PTPRT: variants seen among roughly 807,000 people sequenced by gnomAD.
The protein encoded by PTPRT is protein tyrosine phosphatase receptor type T.
PTPRT carries 56 observed loss-of-function variants against 176.8 expected under a neutral mutation model. The observed-to-expected ratio is 0.32, with a 90% CI of 0.26 to 0.40. PTPRT has a LOEUF of 0.40. PTPRT is among the 10% of genes least tolerant of loss of function. The pLI is 1.00. For missense variants in PTPRT, 1,540 were observed against 1,908.2 expected, an observed-to-expected ratio of 0.81 and a Z score of 3.60; for synonymous variants, 783 against 739.0, an observed-to-expected ratio of 1.06 and a Z score of -0.96.
At chr20:43,083,638 C>G (rs2011527289) in intron 1 of PTPRT, among the ~76,000 whole-genome samples, 1 of 151,896 alleles carries the variant, frequency 6.6e-6, no homozygotes, top group Non-Finnish European at 1.5e-5. Flanking sequence ...AGATTACAGG[C>G]ATGAGCCACC....
At chr20:42,382,665 C>G (rs1030102991) in intron 9 of PTPRT, among the ~76,000 whole-genome samples, 6 of 151,940 alleles carry the variant, frequency 3.9e-5, no homozygotes, top group Admixed American at 1.3e-4. Context: ...GCAATTGACA[C>G]AGAGAGTAAG....
intron 7 of PTPRT, among the ~76,000 whole-genome samples, chr20:42,596,803 A>C (rs1420458387): frequency 6.6e-6 from 1 of 152,228 alleles, no homozygotes; most frequent in East Asian, 1.9e-4. Context: ...TTAGATTAGC[A>C]AAAATGTAAG....
At chr20:42,227,704 T>C (rs549078521) in intron 15 of PTPRT, among the ~76,000 whole-genome samples, 2 of 150,194 alleles carry the variant, frequency 1.3e-5, no homozygotes, top group South Asian at 4.3e-4. Context: ...GCCTCCTGTA[T>C]TCAAGCGATT....
chr20:42,277,360 CG>C (rs1326927119), intron 13 of PTPRT, among the ~76,000 whole-genome samples: 2 of 152,164 alleles, frequency 1.3e-5, no homozygotes, highest in Non-Finnish European at 2.9e-5. Context: ...AACTGCCACT[CG>C]GGCGCACCCA....
At chr20:42,087,147 A>G (rs6130031) in intron 27 of PTPRT, among the ~76,000 whole-genome samples, 35,201 of 146,288 alleles carry the variant, frequency 0.24, 4,520 homozygotes, top group Non-Finnish European at 0.3. Flanking sequence ...TGCAGTGCAC[A>G]GATTAGCTCC....
chr20:42,555,341 C>G (rs536842421), intron 7 of PTPRT, among the ~76,000 whole-genome samples: 7 of 152,326 alleles, frequency 4.6e-5, no homozygotes, highest in African/African-American at 1.7e-4. Context: ...ATAAAAATCC[C>G]TGCCCTCATG....
chr20:43,173,830 G>A (rs1013857383), intron 1 of PTPRT, among the ~76,000 whole-genome samples: 6 of 152,208 alleles, frequency 3.9e-5, no homozygotes, highest in African/African-American at 1.4e-4. Flanking sequence ...TTCCTTCTGG[G>A]AAAGACAGTC....
intron 19 of PTPRT, among the ~76,000 whole-genome samples, chr20:42,126,360 TC>T (rs1032577019): frequency 6.6e-6 from 1 of 152,210 alleles, no homozygotes; most frequent in Middle Eastern, 3.4e-3. Flanking sequence ...TGCTCCCTCC[TC>T]CCCTACCTCC....
chr20:42,914,865 A>C (rs1055299465), intron 1 of PTPRT, among the ~76,000 whole-genome samples: 2 of 151,420 alleles, frequency 1.3e-5, no homozygotes, highest in African/African-American at 4.9e-5. Flanking sequence ...AAAATCCTTA[A>C]AAGTGTACAG....
rs117803742 is a variant in PTPRT, at chr20:42,669,491, G to A, written c.1153+8375C>T. Reference sequence around the variant, plus strand: ...ACCAGAATTACAGTACAGCAGAGATGGAGGTTAGATGTCTGTGTTCATACT... The same window carrying A: ...ACCAGAATTACAGTACAGCAGAGATAGAGGTTAGATGTCTGTGTTCATACT... On this transcript the variant is annotated intron_variant, in intron 7 of 30. Coordinates refer to ENST00000373187, the MANE Select transcript of PTPRT (RefSeq NM_007050.6). 1.6e-4 allele frequency among the ~76,000 whole-genome samples: 25 copies of A among 152,244 alleles called. No individual in the cohort carries two copies. In the East Asian group the frequency reaches 4.8e-3, roughly 29 times the overall value.
chr20:42,336,183 T>C (rs984186963), intron 11 of PTPRT, among the ~76,000 whole-genome samples: 4 of 152,214 alleles, frequency 2.6e-5, no homozygotes, highest in Non-Finnish European at 5.9e-5. Flanking sequence ...CCTGTTTTTA[T>C]GGAATTGTAA....
chr20:42,307,689 G>A (rs2057564034), intron 12 of PTPRT, among the ~76,000 whole-genome samples: 1 of 152,150 alleles, frequency 6.6e-6, no homozygotes, highest in Non-Finnish European at 1.5e-5. Context: ...GACTCAACAG[G>A]AACAGATATC....
At chr20:42,509,654 C>A (rs1235176666) in intron 7 of PTPRT, among the ~76,000 whole-genome samples, 1 of 148,364 alleles carries the variant, frequency 6.7e-6, no homozygotes, top group Non-Finnish European at 1.5e-5. Flanking sequence ...TGTCATTCTG[C>A]AGAATAGCTC....
chr20:42,062,204 C>A, the PTPRT span, among the ~76,000 whole-genome samples: 2 of 152,136 alleles, frequency 1.3e-5, no homozygotes, highest in African/African-American at 4.8e-5. Flanking sequence ...CCTTTATGGG[C>A]AGCATTAAGC....
chr20:42,807,191 A>G lies in PTPRT; in HGVS notation c.215-15725T>C, dbSNP rs149924269. On this transcript the variant is annotated intron_variant, in intron 2 of 30. Coordinates refer to ENST00000373187, the MANE Select transcript of PTPRT (RefSeq NM_007050.6). Reference sequence around the variant, plus strand: ...AGATTGGTACAGACCTTTATCTTCTACTAGAGGGACAGAGAAGGATGGATG... The same window carrying G: ...AGATTGGTACAGACCTTTATCTTCTGCTAGAGGGACAGAGAAGGATGGATG... Among the ~76,000 whole-genome samples, 167 of 152,308 alleles carry G rather than the reference A, an allele frequency of 1.1e-3. 2 individuals carry two copies. Among genetic ancestry groups the G allele is most frequent in the African/African-American group, 3.8e-3 (158 of 41,564 alleles).
At chr20:43,119,915 G>A (rs935159896) in intron 1 of PTPRT, among the ~76,000 whole-genome samples, 2 of 152,176 alleles carry the variant, frequency 1.3e-5, no homozygotes, top group Non-Finnish European at 2.9e-5. Context: ...CCACATGGGA[G>A]CTGACTGACC....
chr20:42,641,730 A>C (rs1175242477), intron 7 of PTPRT, among the ~76,000 whole-genome samples: 2 of 152,196 alleles, frequency 1.3e-5, no homozygotes, highest in Non-Finnish European at 2.9e-5. Context: ...AGCAGTTGGA[A>C]TAAGCAGCCA....
intron 6 of PTPRT, among the ~76,000 whole-genome samples, chr20:42,720,873 A>G (rs2076292492): frequency 6.6e-6 from 1 of 152,208 alleles, no homozygotes; most frequent in Non-Finnish European, 1.5e-5. Flanking sequence ...GGGGTCCAGT[A>G]ACCTTGATGA....
At chr20:42,419,660 C>T (rs1041334775) in intron 9 of PTPRT, among the ~76,000 whole-genome samples, 1 of 152,156 alleles carries the variant, frequency 6.6e-6, no homozygotes, top group Non-Finnish European at 1.5e-5. Context: ...TCCTCTCCTC[C>T]AGCCCCTTCC....
Sources: allele counts gnomAD v4.1 joint callset (sites outside exome capture counted in the v4.1 genomes callset), GRCh38; gene constraint gnomAD v4.1.1; transcripts MANE v1.5; gene names NCBI Gene and HGNC (gene_info 2026-07-23, HGNC 2026-07-21).